The following HELLS variants were observed in gnomAD, a reference collection of about 807,000 sequenced individuals.
HELLS encodes lymphoid-specific helicase.
In HELLS, 32 loss-of-function variants were observed where a neutral mutation model predicts 120.0. The observed-to-expected ratio is 0.27, with a 90% CI of 0.20 to 0.36. The LOEUF is 0.36. Ranked by LOEUF, HELLS falls within the 10% of genes least tolerant of loss-of-function variation. HELLS has a pLI of 1.00. For synonymous variants in HELLS, 341 were observed against 323.4 expected (o/e 1.05, Z -0.58); for missense variants, 650 against 993.4 (o/e 0.65, Z 4.65).
chr10:94,595,182 C>A (rs567974433), intron 19 of HELLS, among the ~76,000 whole-genome samples: 2 of 151,636 alleles, frequency 1.3e-5, no homozygotes, highest in Non-Finnish European at 2.9e-5. Context: ...GAGCCGAGAT[C>A]GTGCCACTGC....
Position 94,573,978 on chromosome 10 carries a change from A to G in HELLS, c.496A>G (p.Thr166Ala). 2 of 1,605,580 alleles carry G rather than the reference A, an allele frequency of 1.2e-6. No individual in the cohort carries two copies. Among genetic ancestry groups the G allele is most frequent in the Non-Finnish European group, 1.7e-6 (2 of 1,172,636 alleles). Residue 166 changes from threonine to alanine, a missense_variant, in exon 8 of 22, where the codon ACT (threonine) becomes GCT (alanine). Physicochemically the swap from Thr to Ala is moderately conservative, Grantham distance 58 (BLOSUM62 0). Transcript: ENST00000348459. ...KENEDENSSSTNLCVEDLQKN... is the reference protein window; with the variant it reads ...KENEDENSSSANLCVEDLQKN... ...TCTACAGGATGAAAACTCCTCCTCT[A>G]CTAATCTCTGTGTGGAAGATCTTCA...
chr10:94,554,166 A>G lies in HELLS; in HGVS notation c.194A>G (p.Tyr65Cys). ...GATAGAGAGTCGACAGAAATTCGGT[A>G]CCGTAGACTTCAACATTTGCTTGAA... ...SWDRESTEIRYRRLQHLLEKS... is the reference protein window; with the variant it reads ...SWDRESTEIRCRRLQHLLEKS... Residue 65 changes from tyrosine to cysteine, a missense_variant, in exon 3 of 22, where the codon TAC becomes TGC. By Grantham distance (194) the Tyr-to-Cys change is radical (BLOSUM62 -2). Around this residue, in one of 9 missense-constraint regions of HELLS, gnomAD observed 90 missense variants for 93.6 expected, o/e 0.96. Coordinates refer to ENST00000348459, the MANE Select transcript of HELLS (RefSeq NM_018063.5). 6.3e-7 allele frequency: 1 copy of G among 1,579,646 alleles called. No homozygotes were observed. Among genetic ancestry groups the G allele is most frequent in the Non-Finnish European group, 8.5e-7 (1 of 1,169,668 alleles).
At chr10:94,582,905 A>G (rs1844946808) in intron 11 of HELLS, 58 bp from the exon 12 acceptor site, 1 of 895,590 alleles carries the variant, frequency 1.1e-6, no homozygotes, top group Admixed American at 2.1e-5. Context: ...TAAATCATGT[A>G]TCATGTTGAC....
intron 4 of HELLS, among the ~76,000 whole-genome samples, chr10:94,558,666 A>G (rs553205388): frequency 1.3e-5 from 2 of 152,096 alleles, no homozygotes; most frequent in East Asian, 1.9e-4. Context: ...CAGTGGCGCA[A>G]TCTCGGCTCA....
chr10:94,575,772 TGTGTGTGTGTG>T, intron 9 of HELLS, among the ~76,000 whole-genome samples: 1 of 9,786 alleles, frequency 1.0e-4, no homozygotes, highest in Non-Finnish European at 1.9e-4. Context: ...GGGTTGTGTT[TGTGTGTGTGTG>T]TGTGTGTGTG....
At chr10:94,572,571 A>G (rs761033425) in intron 7 of HELLS, among the ~76,000 whole-genome samples, 7 of 152,184 alleles carry the variant, frequency 4.6e-5, no homozygotes, top group Admixed American at 2.6e-4. Context: ...TTTCTCATCC[A>G]TCCCCTTATT....
At chr10:94,552,797 C>A (rs1159901135) in intron 2 of HELLS, among the ~76,000 whole-genome samples, 1 of 139,236 alleles carries the variant, frequency 7.2e-6, no homozygotes, top group East Asian at 2.4e-4. Flanking sequence ...TATGGTGAAA[C>A]CCTGTCTTTA....
At chr10:94,604,536 C>T (rs1477511719), downstream of HELLS, among the ~76,000 whole-genome samples, 1 of 147,244 alleles carries the variant, frequency 6.8e-6, no homozygotes, top group Non-Finnish European at 1.5e-5. Flanking sequence ...CTTCAGATGC[C>T]TTGGGATCAT....
At chr10:94,601,072 T>C (rs1314484076) in intron 21 of HELLS, among the ~76,000 whole-genome samples, 1 of 152,200 alleles carries the variant, frequency 6.6e-6, no homozygotes, top group African/African-American at 2.4e-5. Context: ...ACAGCTGTCA[T>C]GTTGATAAAA....
chr10:94,556,618 C>T (rs1178063293), intron 3 of HELLS, among the ~76,000 whole-genome samples: 1 of 152,066 alleles, frequency 6.6e-6, no homozygotes, highest in Non-Finnish European at 1.5e-5. Context: ...CCGTCCCTAC[C>T]CCATGTTCTA....
intron 19 of HELLS, 30 bp downstream of exon 19, chr10:94,594,884 T>C (rs1845666760): frequency 1.3e-6 from 2 of 1,506,762 alleles, no homozygotes; most frequent in African/African-American, 2.8e-5. Flanking sequence ...TGCTTTATTG[T>C]TTAAATTGTG....
exon 10 of HELLS, chr10:94,613,284 T>A (rs1442153841): frequency 2.0e-5 from 3 of 152,236 alleles, no homozygotes; most frequent in African/African-American, 7.2e-5. Context: ...CAATTTTGCA[T>A]TTCTTCCATT....
chr10:94,548,603 C>T (rs376565421), intron 2 of HELLS, among the ~76,000 whole-genome samples: 103 of 152,254 alleles, frequency 6.8e-4, no homozygotes, highest in African/African-American at 2.4e-3. Context: ...CATTTTTAAG[C>T]TTATGAACAA....
chr10:94,602,792 G>A (rs1846078764), downstream of HELLS, among the ~76,000 whole-genome samples: 1 of 152,038 alleles, frequency 6.6e-6, no homozygotes, highest in Non-Finnish European at 1.5e-5. Flanking sequence ...TAGAACATTT[G>A]GTTAAATAAA....
At chr10:94,574,476 A>G (rs897016166) in intron 8 of HELLS, 78 bp from the exon 9 acceptor site, 1 of 1,113,674 alleles carries the variant, frequency 9.0e-7, no homozygotes, top group Non-Finnish European at 1.3e-6. Context: ...GTGATTTTTT[A>G]AAGAGAAGAA....
rs573552063 is a variant in HELLS, at chr10:94,595,507, T to C, written c.2248+653T>C. On this transcript the variant is annotated intron_variant, in intron 19 of 21. Transcript: ENST00000348459. ...AAGTGTTATAAAAAATCTATTTATT[T>C]ATTGAACCCACTGTTTCACAGAATA... Among the ~76,000 whole-genome samples the C allele has an allele frequency of 8.7e-4, 133 of 152,322 alleles. 4 individuals are homozygous for C. The South Asian group carries it at 0.021, about 23-fold the overall frequency.
intron 10 of HELLS, chr10:94,577,097 G>A (rs546512119): frequency 2.0e-6 from 1 of 503,922 alleles, no homozygotes; most frequent in East Asian, 5.0e-5. Flanking sequence ...TTTGTGACAG[G>A]TACTTTGAAT....
intron 10 of HELLS, chr10:94,577,178 A>C (rs977235232): frequency 2.5e-4 from 90 of 354,322 alleles, no homozygotes; most frequent in Middle Eastern, 2.0e-3. Flanking sequence ...AGAGTATCTT[A>C]TTGGACTATT....
At chr10:94,574,423 T>C in intron 8 of HELLS, 131 bp from the exon 9 acceptor site, 1 of 761,648 alleles carries the variant, frequency 1.3e-6, no homozygotes, top group East Asian at 2.6e-5. Flanking sequence ...TTATAATTTA[T>C]GGTGTGAATA....
Sources: gnomAD v4.1 joint callset for allele counts (sites outside exome capture counted in the v4.1 genomes callset) on GRCh38, gnomAD v4.1.1 for gene constraint, gnomAD v4.1.1 regional missense constraint, MANE v1.5 for transcripts, NCBI Gene and HGNC (gene_info 2026-07-23, HGNC 2026-07-21) for gene names.